TENM4: variants seen among roughly 807,000 people sequenced by gnomAD.
TENM4 encodes teneurin transmembrane protein 4.
TENM4 carries 82 observed loss-of-function variants against 243.3 expected under a neutral mutation model. The observed-to-expected ratio is 0.34, with a 90% CI of 0.28 to 0.40. TENM4 has a LOEUF of 0.40. TENM4 is among the 10% of genes least tolerant of loss of function. TENM4 has a pLI of 1.00. For missense variants in TENM4, 3,138 were observed against 3,673.3 expected (o/e 0.85, Z 3.77); for synonymous variants, 1,412 against 1,456.3 (o/e 0.97, Z 0.69).
At chr11:79,417,462 T>C (rs1471974506) in intron 1 of TENM4, among the ~76,000 whole-genome samples, 3 of 152,136 alleles carry the variant, frequency 2.0e-5, no homozygotes, top group African/African-American at 7.2e-5. Context: ...GAGTGGTTGG[T>C]AAACATGACC....
intron 4 of TENM4, among the ~76,000 whole-genome samples, chr11:79,130,176 A>T (rs2137158262): frequency 6.6e-6 from 1 of 152,294 alleles, no homozygotes; most frequent in African/African-American, 2.4e-5. Flanking sequence ...GCACATCCAT[A>T]GGAAAAGGGG....
intron 3 of TENM4, among the ~76,000 whole-genome samples, chr11:79,153,246 G>A (rs994673266): frequency 1.3e-5 from 2 of 152,106 alleles, no homozygotes; most frequent in Non-Finnish European, 2.9e-5. Flanking sequence ...GATTGTTATG[G>A]GGATTAAATG....
At chr11:78,814,247 A>T (rs1198563388) in intron 13 of TENM4, 47 bp downstream of exon 13, 1 of 1,521,802 alleles carries the variant, frequency 6.6e-7, no homozygotes. Flanking sequence ...GAGCTGCCTG[A>T]GGGGTCTGGG....
intron 18 of TENM4, among the ~76,000 whole-genome samples, chr11:78,763,703 CCT>C (rs1856481668): frequency 6.6e-6 from 1 of 152,188 alleles, no homozygotes; most frequent in South Asian, 2.1e-4. Flanking sequence ...TGTATCTGCC[CCT>C]CTCTGGCCAT....
chr11:78,982,697 C>A (rs1007056936), intron 6 of TENM4, among the ~76,000 whole-genome samples: 31 of 152,202 alleles, frequency 2.0e-4, no homozygotes, highest in Admixed American at 5.2e-4. Context: ...TATGCACATC[C>A]CTCAGAAGGG....
chr11:78,975,597 C>A lies in TENM4; in HGVS notation c.494-72074G>T, dbSNP rs193300108. 7.8e-3 allele frequency among the ~76,000 whole-genome samples: 918 copies of A among 117,026 alleles called. 9 individuals carry two copies. Among genetic ancestry groups the A allele is most frequent in the African/African-American group, 0.032 (875 of 27,034 alleles). The allele number at this position is 117,026 out of a possible 152,430, so 76.8% of individuals were successfully genotyped here. A position where few individuals can be genotyped will look rare whatever the true frequency, so the allele number is the denominator to read the frequency against. ...TTATTACTTCCTTGGGATACACACA[C>A]CCACACACACACACACACACATATA... On this transcript the variant is annotated intron_variant, in intron 6 of 33. Coordinates refer to ENST00000278550, the MANE Select transcript of TENM4 (RefSeq NM_001098816.3).
chr11:79,079,733 G>A (rs1242581135), intron 4 of TENM4, among the ~76,000 whole-genome samples: 5 of 150,906 alleles, frequency 3.3e-5, no homozygotes, highest in African/African-American at 1.2e-4. Flanking sequence ...GGAGGCTGAG[G>A]CATGAGAATT....
At chr11:79,133,798 C>G (rs188755600) in intron 4 of TENM4, among the ~76,000 whole-genome samples, 131 of 152,188 alleles carry the variant, frequency 8.6e-4, no homozygotes, top group African/African-American at 2.9e-3. Context: ...ATTCAGCATC[C>G]CTTTATGATT....
At position 78,787,186 on chromosome 11, in the gene TENM4, C is replaced by G. The variant is rs566706784; in HGVS notation, c.2180-103G>C. On this transcript the variant is annotated intron_variant, in intron 15 of 33. Transcript: ENST00000278550. ...AGAGAGAAAAACAACAAGTATTGAG[C>G]AAGTTATTGTTGGAAACCAAAGTCA... 4 of 1,342,198 alleles carry G rather than the reference C, an allele frequency of 3.0e-6. No individual in the cohort carries two copies. In the African/African-American group the frequency reaches 4.4e-5, roughly 15 times the overall value. 83.1% of individuals were successfully genotyped at this position (1,342,198 alleles called of 1,614,324 possible).
intron 1 of TENM4, among the ~76,000 whole-genome samples, chr11:79,366,129 G>A (rs914877748): frequency 2.0e-5 from 3 of 152,140 alleles, no homozygotes; most frequent in Admixed American, 6.5e-5. Context: ...CCATTTTATA[G>A]GTTGTATTCT....
intron 6 of TENM4, among the ~76,000 whole-genome samples, chr11:78,906,118 C>G (rs1346431089): frequency 6.6e-6 from 1 of 152,234 alleles, no homozygotes; most frequent in African/African-American, 2.4e-5. Context: ...TAGGAGTCAA[C>G]CTCATGGCAT....
Position 79,209,699 on chromosome 11 carries a change from G to A in TENM4, c.-163+6109C>T, listed in dbSNP as rs1416580652. Among the ~76,000 whole-genome samples the A allele has an allele frequency of 4.6e-5, 7 of 152,312 alleles. No homozygotes were observed. In the East Asian group the frequency reaches 7.7e-4, roughly 17 times the overall value. Reference sequence around the variant, plus strand: ...AAGAAAGAGCTGAAACCGGCATGAGGTTACCAGTGGCCACTGCAGCACTGC... The same window carrying A: ...AAGAAAGAGCTGAAACCGGCATGAGATTACCAGTGGCCACTGCAGCACTGC... On this transcript the variant is annotated intron_variant, in intron 3 of 33. Coordinates refer to ENST00000278550, the MANE Select transcript of TENM4 (RefSeq NM_001098816.3).
intron 33 of TENM4, among the ~76,000 whole-genome samples, chr11:78,660,543 C>T (rs1250883988): frequency 6.6e-6 from 1 of 152,112 alleles, no homozygotes; most frequent in Non-Finnish European, 1.5e-5. Context: ...ATGCTGAGGC[C>T]TAAAGGAATC....
chr11:78,701,974 C>T lies in TENM4; in HGVS notation c.4639G>A (p.Asp1547Asn), dbSNP rs772910164. 6.2e-7 allele frequency: 1 copy of T among 1,614,032 alleles called. No homozygotes were observed. Among genetic ancestry groups the T allele is most frequent in the South Asian group, 1.1e-5 (1 of 91,080 alleles). Residue 1547 changes from aspartate to asparagine, a missense_variant, in exon 28 of 34, where the codon GAT (aspartate) becomes AAT (asparagine). Physicochemically the swap from Asp to Asn is conservative, Grantham distance 23. Coordinates refer to ENST00000278550, the MANE Select transcript of TENM4 (RefSeq NM_001098816.3). ...NTPSSLAVCA[D>N]GELYVADLGN... ...AGGTCGGCCACGTAGAGCTCCCCAT[C>T]AGCACACACAGCCAAGGAAGATGGG...
At chr11:79,423,157 C>G (rs1359401432) in intron 1 of TENM4, among the ~76,000 whole-genome samples, 1 of 152,114 alleles carries the variant, frequency 6.6e-6, no homozygotes, top group Non-Finnish European at 1.5e-5. Context: ...AGCACAGATA[C>G]TGGGAAGAGA....
chr11:79,021,991 A>G (rs1858942444), intron 6 of TENM4, among the ~76,000 whole-genome samples: 1 of 152,066 alleles, frequency 6.6e-6, no homozygotes, highest in African/African-American at 2.4e-5. Context: ...TACGCAGACA[A>G]TTTGGCTCAA....
chr11:78,966,870 T>C (rs898719154), intron 6 of TENM4, among the ~76,000 whole-genome samples: 11 of 152,174 alleles, frequency 7.2e-5, no homozygotes, highest in Non-Finnish European at 1.6e-4. Flanking sequence ...CTCATTTCCA[T>C]GGACTCAGTG....
intron 1 of TENM4, among the ~76,000 whole-genome samples, chr11:79,420,034 A>G (rs780277282): frequency 2.0e-5 from 3 of 152,214 alleles, no homozygotes; most frequent in Non-Finnish European, 4.4e-5. Context: ...ATGGAATAAG[A>G]CAGATTTAAA....
chr11:78,750,327 C>T (rs888225766), intron 19 of TENM4, among the ~76,000 whole-genome samples: 7 of 152,168 alleles, frequency 4.6e-5, no homozygotes, highest in African/African-American at 1.4e-4. Context: ...AGAATAGTTT[C>T]GACCTGCTGA....
Sources: allele counts gnomAD v4.1 joint callset (sites outside exome capture counted in the v4.1 genomes callset), GRCh38; gene constraint gnomAD v4.1.1; transcripts MANE v1.5; gene names NCBI Gene and HGNC (gene_info 2026-07-23, HGNC 2026-07-21).